The following SLC14A2 variants were observed in gnomAD, a reference collection of about 807,000 sequenced individuals.
SLC14A2 encodes solute carrier family 14 member 2, also known as urea transporter 2.
A neutral mutation model predicts 104.6 loss-of-function variants in SLC14A2; 91 were observed. That is an observed-to-expected ratio of 0.87 (90% CI 0.73 to 1.04). SLC14A2 has a LOEUF of 1.04. SLC14A2 is among the 50% of genes least tolerant of loss of function. The pLI is 0.00. For synonymous variants in SLC14A2, 476 were observed against 466.4 expected, an observed-to-expected ratio of 1.02 and a Z score of -0.27; for missense variants, 1,189 against 1,156.0, an observed-to-expected ratio of 1.03 and a Z score of -0.41.
chr18:45,654,429 G>A (rs1482972076), intron 10 of SLC14A2, among the ~76,000 whole-genome samples: 1 of 152,126 alleles, frequency 6.6e-6, no homozygotes, highest in East Asian at 1.9e-4. Context: ...ACTGCGTGCA[G>A]GAAATCAAAA....
chr18:45,293,416 G>A (rs768498562), intron 1 of SLC14A2, among the ~76,000 whole-genome samples: 1 of 152,006 alleles, frequency 6.6e-6, no homozygotes, highest in Non-Finnish European at 1.5e-5. Context: ...AATAGGGGAA[G>A]ACATATATTA....
chr18:45,318,346 G>A (rs1013018774), intron 1 of SLC14A2, among the ~76,000 whole-genome samples: 1 of 152,144 alleles, frequency 6.6e-6, no homozygotes, highest in African/African-American at 2.4e-5. Flanking sequence ...TCAGCACTGG[G>A]TCATGTGCTC....
intron 2 of SLC14A2, among the ~76,000 whole-genome samples, chr18:45,523,457 G>C (rs540728489): frequency 1.5e-3 from 225 of 149,640 alleles, no homozygotes; most frequent in Non-Finnish European, 2.6e-3. Flanking sequence ...AGCCTCCTGA[G>C]TAGCTGGGAT....
At chr18:45,542,051 TTTTTTTTTTTTTTTTTTTTTTG>T (rs2043895446) in intron 2 of SLC14A2, among the ~76,000 whole-genome samples, 1 of 121,934 alleles carries the variant, frequency 8.2e-6, no homozygotes, top group Admixed American at 8.8e-5. Flanking sequence ...TTTTTTTTTT[TTTTTTTTTTTTTTTTTTTTTTG>T]CTTTTGAGTT....
rs547429742 is a variant in SLC14A2, at chr18:45,301,926, T to A, written c.-125+88735T>A. Reference sequence around the variant, plus strand: ...TAAGTCTATCCTCCTCTTTTTTAGGTCAGACCCTTCTCTGAAATTCCACCC... The same window carrying A: ...TAAGTCTATCCTCCTCTTTTTTAGGACAGACCCTTCTCTGAAATTCCACCC... On this transcript the variant is annotated intron_variant, in intron 1 of 20. Coordinates refer to the SLC14A2 transcript ENST00000586448. Among the ~76,000 whole-genome samples, 12 of 152,322 alleles carry A rather than the reference T, an allele frequency of 7.9e-5. No homozygotes were observed. The South Asian group carries it at 1.5e-3, about 18-fold the overall frequency.
At chr18:45,610,426 G>A (rs2044953425) in intron 2 of SLC14A2, among the ~76,000 whole-genome samples, 1 of 152,146 alleles carries the variant, frequency 6.6e-6, no homozygotes, top group Non-Finnish European at 1.5e-5. Flanking sequence ...CACCAATTAA[G>A]TCAGAATCTC....
chr18:45,469,063 C>T lies in SLC14A2; in HGVS notation c.-124-14170C>T, dbSNP rs564909312. ...GCTGGAGGGGAAGCGGAGGTTGCCC[C>T]TCTGTTGCCCTTGAAGCAGGATTTG... On this transcript the variant is annotated intron_variant, in intron 1 of 20. Transcript: ENST00000586448. Among the ~76,000 whole-genome samples the T allele has an allele frequency of 2.6e-4, 39 of 152,260 alleles. 1 individual carries two copies. In the South Asian group the frequency reaches 8.1e-3, roughly 32 times the overall value.
At chr18:45,377,615 T>C (rs1354278283) in intron 1 of SLC14A2, among the ~76,000 whole-genome samples, 1 of 152,156 alleles carries the variant, frequency 6.6e-6, no homozygotes, top group African/African-American at 2.4e-5. Context: ...TCCTTGCTTC[T>C]CAACATCTCA....
intron 1 of SLC14A2, among the ~76,000 whole-genome samples, chr18:45,293,454 A>G (rs2084890403): frequency 6.6e-6 from 1 of 152,150 alleles, no homozygotes; most frequent in Admixed American, 6.6e-5. Flanking sequence ...TATAAGAACC[A>G]GAGACAATGA....
intron 1 of SLC14A2, among the ~76,000 whole-genome samples, chr18:45,382,485 A>G (rs796952206): frequency 1.3e-5 from 2 of 152,312 alleles, no homozygotes; most frequent in East Asian, 3.9e-4. Context: ...TTGGTCTGCA[A>G]TACATTTAGC....
intron 5 of SLC14A2, among the ~76,000 whole-genome samples, chr18:45,635,416 C>G (rs1362640063): frequency 6.6e-6 from 1 of 152,156 alleles, no homozygotes; most frequent in Non-Finnish European, 1.5e-5. Flanking sequence ...TAAGAAGGAA[C>G]AGGCAAAAAG....
chr18:45,286,437 T>A (rs894051530), intron 1 of SLC14A2, among the ~76,000 whole-genome samples: 4 of 152,174 alleles, frequency 2.6e-5, no homozygotes, highest in African/African-American at 9.7e-5. Flanking sequence ...TTACTAAAAC[T>A]CGATTTGTAA....
chr18:45,525,506 A>G (rs2043583196), intron 2 of SLC14A2, among the ~76,000 whole-genome samples: 1 of 152,218 alleles, frequency 6.6e-6, no homozygotes, highest in African/African-American at 2.4e-5. Flanking sequence ...ATTACTGGTT[A>G]TTAACTCCTT....
chr18:45,639,456 A>G (rs1021830724), intron 6 of SLC14A2, among the ~76,000 whole-genome samples: 4 of 152,146 alleles, frequency 2.6e-5, no homozygotes, highest in Non-Finnish European at 4.4e-5. Flanking sequence ...GAGGAGGTGC[A>G]TTCTGGTCCC....
chr18:45,627,880 C>T (rs1028725752), intron 4 of SLC14A2, among the ~76,000 whole-genome samples: 5 of 151,648 alleles, frequency 3.3e-5, no homozygotes, highest in African/African-American at 1.2e-4. Flanking sequence ...CATGGTCGTG[C>T]ATGCCTGTAA....
intron 1 of SLC14A2, among the ~76,000 whole-genome samples, chr18:45,462,567 T>C (rs2087065114): frequency 6.6e-6 from 1 of 152,108 alleles, no homozygotes; most frequent in African/African-American, 2.4e-5. Context: ...TCAGTGACTG[T>C]TCCAGGTAAT....
At chr18:45,391,076 C>T (rs1378762862) in intron 1 of SLC14A2, among the ~76,000 whole-genome samples, 2 of 152,054 alleles carry the variant, frequency 1.3e-5, no homozygotes, top group African/African-American at 4.8e-5. Context: ...CTCTCCCTCC[C>T]CCCTCCACCC....
At chr18:45,468,109 T>C (rs921207578) in intron 1 of SLC14A2, among the ~76,000 whole-genome samples, 1 of 152,088 alleles carries the variant, frequency 6.6e-6, no homozygotes, top group African/African-American at 2.4e-5. Flanking sequence ...GGATCTTCAT[T>C]TGCTGAGAAG....
chr18:45,244,359 G>T (rs2084348287), intron 1 of SLC14A2, among the ~76,000 whole-genome samples: 1 of 152,186 alleles, frequency 6.6e-6, no homozygotes, highest in Non-Finnish European at 1.5e-5. Flanking sequence ...GGGCGCAGTG[G>T]CTCATGCCTG....
Sources: gnomAD v4.1 joint callset for allele counts (sites outside exome capture counted in the v4.1 genomes callset) on GRCh38, gnomAD v4.1.1 for gene constraint, MANE v1.5 for transcripts, NCBI Gene and HGNC (gene_info 2026-07-23, HGNC 2026-07-21) for gene names.